CNTNAP2: variants seen among roughly 807,000 people sequenced by gnomAD.
The protein encoded by CNTNAP2 is contactin associated protein 2.
CNTNAP2 carries 98 observed loss-of-function variants against 155.2 expected under a neutral mutation model. That is an observed-to-expected ratio of 0.63 (90% confidence interval 0.54 to 0.75). CNTNAP2 has a LOEUF of 0.75. Among genes scored for constraint, CNTNAP2 ranks in the 30% least tolerant of loss-of-function variants. The pLI is 0.00. For synonymous variants in CNTNAP2, 651 were observed against 631.2 expected, an observed-to-expected ratio of 1.03 and a Z score of -0.47; for missense variants, 1,727 against 1,688.1, an observed-to-expected ratio of 1.02 and a Z score of -0.40.
intron 11 of CNTNAP2, among the ~76,000 whole-genome samples, chr7:147,515,186 A>C (rs1014616144): frequency 6.6e-6 from 1 of 151,806 alleles, no homozygotes; most frequent in African/African-American, 2.4e-5. Flanking sequence ...AGATCCATCA[A>C]CTCCATCCAG....
intron 8 of CNTNAP2, among the ~76,000 whole-genome samples, chr7:147,214,928 G>A (rs111587817): frequency 3.9e-5 from 6 of 152,104 alleles, no homozygotes; most frequent in African/African-American, 1.4e-4. Flanking sequence ...GGGGAATCAA[G>A]CACCTTCCTC....
intron 8 of CNTNAP2, among the ~76,000 whole-genome samples, chr7:147,277,087 T>G (rs1479322887): frequency 1.3e-5 from 2 of 152,034 alleles, no homozygotes; most frequent in African/African-American, 4.8e-5. Context: ...TTCAGTAATT[T>G]ATCTTTATAA....
At chr7:146,650,742 T>G (rs1244712675) in intron 1 of CNTNAP2, among the ~76,000 whole-genome samples, 1 of 152,032 alleles carries the variant, frequency 6.6e-6, no homozygotes, top group East Asian at 1.9e-4. Context: ...ATGGAAAGAG[T>G]ACATTGTAAG....
chr7:146,446,990 A>G (rs1796411392), intron 1 of CNTNAP2, among the ~76,000 whole-genome samples: 2 of 152,022 alleles, frequency 1.3e-5, no homozygotes, highest in South Asian at 4.1e-4. Context: ...ACCTAGCAAT[A>G]TTTTTATTTT....
chr7:147,712,297 G>A (rs1454039175), intron 13 of CNTNAP2, among the ~76,000 whole-genome samples: 1 of 152,180 alleles, frequency 6.6e-6, no homozygotes, highest in Non-Finnish European at 1.5e-5. Flanking sequence ...CACTGTTGGT[G>A]GGACTGTAAA....
chr7:147,873,311 A>G (rs374293596), intron 13 of CNTNAP2, among the ~76,000 whole-genome samples: 18 of 152,194 alleles, frequency 1.2e-4, no homozygotes, highest in Admixed American at 3.3e-4. Flanking sequence ...TCATTCTGCT[A>G]ATAAGGACAT....
intron 3 of CNTNAP2, among the ~76,000 whole-genome samples, chr7:146,957,696 C>T (rs1434534418): frequency 1.3e-5 from 2 of 152,036 alleles, no homozygotes; most frequent in Non-Finnish European, 2.9e-5. Flanking sequence ...AATTGGAGCC[C>T]GTTCTCCATG....
At chr7:147,097,337 A>G (rs1159926023) in intron 4 of CNTNAP2, 1 of 152,192 alleles carries the variant, frequency 6.6e-6, no homozygotes, top group East Asian at 1.9e-4. Flanking sequence ...AGTTGTATGG[A>G]TGGATGGATG....
chr7:147,429,255 T>C (rs932278286), intron 10 of CNTNAP2, among the ~76,000 whole-genome samples: 16 of 151,970 alleles, frequency 1.1e-4, no homozygotes, highest in African/African-American at 3.6e-4. Context: ...CATTTTTTGA[T>C]TTTTTTAAAT....
In CNTNAP2 at chr7:147,703,822, T is replaced by A. The variant is rs369112814; in HGVS notation, c.2098+64516T>A. Among the ~76,000 whole-genome samples the A allele has an allele frequency of 1.1e-4, 17 of 152,288 alleles. No individual in the cohort carries two copies. In the South Asian group the frequency reaches 3.5e-3, roughly 32 times the overall value. On this transcript the variant is annotated intron_variant, in intron 13 of 23. Coordinates refer to ENST00000361727, the MANE Select transcript of CNTNAP2 (RefSeq NM_014141.6). Reference sequence around the variant, plus strand: ...TATTCCTTCTACCTAAATGTATGTTTGCACTCTTTACCCAACTTCTCTTCG... The same window carrying A: ...TATTCCTTCTACCTAAATGTATGTTAGCACTCTTTACCCAACTTCTCTTCG...
At chr7:146,385,278 A>G (rs1432536135) in intron 1 of CNTNAP2, among the ~76,000 whole-genome samples, 1 of 152,164 alleles carries the variant, frequency 6.6e-6, no homozygotes, top group Non-Finnish European at 1.5e-5. Flanking sequence ...GGGCTTGCCT[A>G]GGGATTAAAG....
chr7:147,385,454 C>A (rs1796608565), intron 9 of CNTNAP2, among the ~76,000 whole-genome samples: 1 of 152,194 alleles, frequency 6.6e-6, no homozygotes. Context: ...ACTTCCTAGA[C>A]ACAATGGGCG....
chr7:147,639,360 A>G, intron 13 of CNTNAP2, 54 bp downstream of exon 13: 2 of 1,541,268 alleles, frequency 1.3e-6, no homozygotes, highest in Non-Finnish European at 1.8e-6. Context: ...GGTGCTTAGA[A>G]TTGCCTAAAG....
At chr7:146,644,265 C>T (rs981229819) in intron 1 of CNTNAP2, among the ~76,000 whole-genome samples, 1 of 152,078 alleles carries the variant, frequency 6.6e-6, no homozygotes, top group Non-Finnish European at 1.5e-5. Context: ...AGTTTTTGCC[C>T]ATTCAGTATG....
chr7:148,155,153 C>T lies in CNTNAP2; in HGVS notation c.2773+7444C>T, dbSNP rs539061121. Among the ~76,000 whole-genome samples the T allele has an allele frequency of 3.3e-5, 5 of 152,246 alleles. No homozygotes were observed. The South Asian group carries it at 6.2e-4, about 19-fold the overall frequency. ...ACATTGCTAATTCTTGTTTTATTCT[C>T]ACATTAAAGATTAGTTGACTTACCG... On this transcript the variant is annotated intron_variant, in intron 17 of 23. Coordinates refer to ENST00000361727, the MANE Select transcript of CNTNAP2 (RefSeq NM_014141.6).
chr7:147,167,359 T>C (rs1563100154), intron 8 of CNTNAP2: 1 of 798,688 alleles, frequency 1.3e-6, no homozygotes, highest in Non-Finnish European at 1.9e-6. Flanking sequence ...AAGAAGAATG[T>C]TCAGTACTAA....
chr7:146,395,779 TGATAGATA>T (rs1554427700), intron 1 of CNTNAP2, among the ~76,000 whole-genome samples: 184 of 122,106 alleles, frequency 1.5e-3, no homozygotes, highest in East Asian at 9.4e-3. Context: ...GATAGACAGA[TGATAGATA>T]GATAGATAGA....
At chr7:146,602,162 G>A (rs1018223038) in intron 1 of CNTNAP2, among the ~76,000 whole-genome samples, 2 of 152,128 alleles carry the variant, frequency 1.3e-5, no homozygotes, top group Non-Finnish European at 2.9e-5. Flanking sequence ...TGATGTTAGG[G>A]AAAGATGTAT....
intron 3 of CNTNAP2, among the ~76,000 whole-genome samples, chr7:146,987,965 T>A (rs575851399): frequency 6.6e-6 from 1 of 152,154 alleles, no homozygotes; most frequent in African/African-American, 2.4e-5. Context: ...TACATAAAAG[T>A]CCTCAAGTTT....
Sources: allele counts gnomAD v4.1 joint callset (sites outside exome capture counted in the v4.1 genomes callset), GRCh38; gene constraint gnomAD v4.1.1; transcripts MANE v1.5; gene names NCBI Gene and HGNC (gene_info 2026-07-23, HGNC 2026-07-21).